Variants in BTBD10 observed in about 807,000 individuals in gnomAD.
The protein encoded by BTBD10 is BTB/POZ domain-containing protein 10.
BTBD10 carries 21 observed loss-of-function variants against 53.2 expected under a neutral mutation model. That is an observed-to-expected ratio of 0.39 (90% CI 0.28 to 0.57). The LOEUF (loss-of-function observed/expected upper bound fraction) is 0.57. Ranked by LOEUF, BTBD10 falls within the 20% of genes least tolerant of loss-of-function variation. The probability of loss-of-function intolerance (pLI) is 0.53; values close to 1 mark genes in which losing one functional copy is unlikely to be tolerated. For missense variants in BTBD10, 360 were observed against 594.7 expected, an observed-to-expected ratio of 0.61 and a Z score of 4.10; for synonymous variants, 149 against 192.7, an observed-to-expected ratio of 0.77 and a Z score of 1.88.
intron 2 of BTBD10, among the ~76,000 whole-genome samples, chr11:13,423,415 T>C (rs1272246890): frequency 6.6e-6 from 1 of 152,188 alleles, no homozygotes; most frequent in Non-Finnish European, 1.5e-5. Context: ...TGAACTATAA[T>C]AAGTAAGCTG....
chr11:13,412,481 A>C (rs1949979729), intron 6 of BTBD10, among the ~76,000 whole-genome samples: 1 of 151,884 alleles, frequency 6.6e-6, no homozygotes, highest in South Asian at 2.1e-4. Flanking sequence ...AACAACAAAA[A>C]CCCAGCAACG....
chr11:13,447,686 A>C (rs1485762850), intron 1 of BTBD10, among the ~76,000 whole-genome samples: 1 of 152,184 alleles, frequency 6.6e-6, no homozygotes, highest in Non-Finnish European at 1.5e-5. Context: ...AGCCATAAGA[A>C]AGTAATGAAT....
rs1305372384 is a variant in BTBD10 at position 13,421,705 on chromosome 11, T to C, written c.235A>G (p.Thr79Ala). 6.2e-7 allele frequency: 1 copy of C among 1,614,108 alleles called. No individual in the cohort carries two copies. Among genetic ancestry groups the C allele is most frequent in the Admixed American group, 1.7e-5 (1 of 60,030 alleles). The change falls in exon 3 of 9, where the codon ACG becomes GCG. Residue 79 changes from threonine (T) to alanine (A), a missense_variant. This residue lies in a region of BTBD10 where 109 missense variants were observed against 118.6 expected (regional missense o/e 0.92). Transcript: ENST00000278174. ...DRSRDSSHERTESQLTPCIRN... is the reference protein window; with the variant it reads ...DRSRDSSHERAESQLTPCIRN... ...ATACAAGGAGTGAGCTGAGACTCCGTTCTTTCATGAGATGAATCTCGTGAT... is the reference window on the plus strand; with the variant it reads ...ATACAAGGAGTGAGCTGAGACTCCGCTCTTTCATGAGATGAATCTCGTGAT...
intron 7 of BTBD10, 137 bp from the exon 8 acceptor site, chr11:13,403,415 A>G: frequency 2.1e-6 from 1 of 487,404 alleles, no homozygotes; most frequent in Non-Finnish European, 3.6e-6. Context: ...AAGGATGACT[A>G]GCCAACATGA....
chr11:13,462,194 T>A (rs1275407379), intron 1 of BTBD10, among the ~76,000 whole-genome samples: 2 of 152,184 alleles, frequency 1.3e-5, no homozygotes, highest in South Asian at 4.2e-4. Context: ...TTGATCAAAT[T>A]TGTGTAGTTG....
intron 2 of BTBD10, among the ~76,000 whole-genome samples, chr11:13,427,446 T>A (rs1428745148): frequency 2.0e-5 from 3 of 152,162 alleles, no homozygotes; most frequent in Non-Finnish European, 4.4e-5. Context: ...TCCAAATGTT[T>A]CTCTGCCTCA....
At chr11:13,400,850 C>T (rs1949700408) in intron 8 of BTBD10, among the ~76,000 whole-genome samples, 1 of 152,086 alleles carries the variant, frequency 6.6e-6, no homozygotes, top group Non-Finnish European at 1.5e-5. Flanking sequence ...GGACCTTCTA[C>T]AAGACAACTG....
At position 13,448,415 on chromosome 11, in the gene BTBD10, A is replaced by C. The variant is rs1262844660; in HGVS notation, c.-57-3234T>G. The stretch of plus-strand genomic sequence containing the variant: ...CCCTTGCAAATATCAGGATTTATAC[A>C]CTACATAGAATCTATGTTTGCATTA... On this transcript the variant is annotated intron_variant, in intron 1 of 8. Coordinates refer to ENST00000278174, the MANE Select transcript of BTBD10 (RefSeq NM_032320.7). Among the ~76,000 whole-genome samples the C allele has an allele frequency of 2.6e-5, 4 of 152,294 alleles. No individual in the cohort carries two copies. In the South Asian group the frequency reaches 6.2e-4, roughly 24 times the overall value.
Position 13,405,691 on chromosome 11 carries a change from T to C in BTBD10, c.974A>G (p.Tyr325Cys). 1 of 1,613,728 alleles carries C rather than the reference T, an allele frequency of 6.2e-7. No individual in the cohort carries two copies. The highest frequency in any genetic ancestry group is 8.5e-7 in the Non-Finnish European group (1 of 1,179,664). The change falls in exon 7 of 9, where the codon TAT becomes TGT. Residue 325 changes from tyrosine (Y) to cysteine (C), a missense_variant. Coordinates refer to ENST00000278174, the MANE Select transcript of BTBD10 (RefSeq NM_032320.7). ...ATATTCTTCTCCCATCTGTGGTGGATATTCTTCATCCCAATCAACCACATC... is the reference window on the plus strand; with the variant it reads ...ATATTCTTCTCCCATCTGTGGTGGACATTCTTCATCCCAATCAACCACATC... ...DDDVVDWDEE[Y>C]PPQMGEEYSQ... is the part of the protein sequence containing the mutation.
Position 13,388,507 on chromosome 11 carries a change from G to T in BTBD10, c.*324C>A. The T allele has an allele frequency of 4.3e-6, 1 of 233,502 alleles. No individual in the cohort carries two copies. The highest frequency in any genetic ancestry group is 8.5e-6 in the Non-Finnish European group (1 of 117,878). The allele number at this position is 233,502 out of a possible 1,614,324, so 14.5% of individuals were successfully genotyped here. A position where few individuals can be genotyped will look rare whatever the true frequency, so the allele number is the denominator to read the frequency against. ...GGTGTGATGAATATCAGTCCAAACT[G>T]AAAGTACCCCAGCTGCCAATTTCCA... On this transcript the variant is annotated 3_prime_UTR_variant, in exon 9 of 9. Coordinates refer to ENST00000278174, the MANE Select transcript of BTBD10 (RefSeq NM_032320.7).
At chr11:13,410,082 C>A (rs2135788238) in intron 6 of BTBD10, among the ~76,000 whole-genome samples, 1 of 152,202 alleles carries the variant, frequency 6.6e-6, no homozygotes, top group South Asian at 2.1e-4. Context: ...GCACAAAAAT[C>A]TCAGAAATAA....
intron 1 of BTBD10, among the ~76,000 whole-genome samples, chr11:13,451,686 T>G (rs1424788672): frequency 6.6e-6 from 1 of 152,084 alleles, no homozygotes; most frequent in Non-Finnish European, 1.5e-5. Context: ...TATTACAATG[T>G]CCAGGTTTCA....
intron 4 of BTBD10, among the ~76,000 whole-genome samples, chr11:13,418,685 A>G (rs888630996): frequency 6.6e-6 from 1 of 152,198 alleles, no homozygotes; most frequent in African/African-American, 2.4e-5. Flanking sequence ...AATCACACAT[A>G]CACACATTAC....
At chr11:13,392,479 T>C (rs191077724) in intron 8 of BTBD10, among the ~76,000 whole-genome samples, 2 of 152,240 alleles carry the variant, frequency 1.3e-5, no homozygotes, top group African/African-American at 2.4e-5. Flanking sequence ...AGACAGATTA[T>C]GGTCAAATGG....
intron 1 of BTBD10, among the ~76,000 whole-genome samples, chr11:13,447,756 T>A (rs553409722): frequency 6.6e-6 from 1 of 152,280 alleles, no homozygotes; most frequent in South Asian, 2.1e-4. Flanking sequence ...CATTTGTCAA[T>A]AAAACTTAGG....
chr11:13,455,225 T>A (rs1198495701), intron 1 of BTBD10, among the ~76,000 whole-genome samples: 1 of 152,216 alleles, frequency 6.6e-6, no homozygotes, highest in African/African-American at 2.4e-5. Context: ...GTTGTCCACT[T>A]AAAGGGTGAT....
At chr11:13,414,236 G>A (rs10766081) in intron 5 of BTBD10, among the ~76,000 whole-genome samples, 118,558 of 152,134 alleles carry the variant, frequency 0.78, 47,008 homozygotes, top group Middle Eastern at 0.88. Context: ...AATCCACTTA[G>A]TAAGTTGTTA....
chr11:13,411,913 C>T (rs1949958217), intron 6 of BTBD10, among the ~76,000 whole-genome samples: 1 of 151,806 alleles, frequency 6.6e-6, no homozygotes, highest in East Asian at 2.0e-4. Flanking sequence ...CTCACCACAA[C>T]CTCCACCTCC....
chr11:13,458,332 A>C (rs1185708084), intron 1 of BTBD10, among the ~76,000 whole-genome samples: 5 of 152,198 alleles, frequency 3.3e-5, no homozygotes, highest in Admixed American at 3.3e-4. Context: ...CTATCACACC[A>C]GTATTATGTA....
Sources: gnomAD v4.1 joint callset for allele counts (sites outside exome capture counted in the v4.1 genomes callset) on GRCh38, gnomAD v4.1.1 for gene constraint, gnomAD v4.1.1 regional missense constraint, MANE v1.5 for transcripts, NCBI Gene and HGNC (gene_info 2026-07-23, HGNC 2026-07-21) for gene names.